Variants in CYP39A1 observed in about 807,000 individuals in gnomAD.
The protein encoded by CYP39A1 is cytochrome P450 family 39 subfamily A member 1, also known as 24-hydroxycholesterol 7-alpha-hydroxylase.
Under a neutral mutation model 58.1 loss-of-function variants are expected in CYP39A1, and 49 were observed. The ratio of observed to expected loss-of-function variants is 0.84; its 90% CI spans 0.67 to 1.07. The LOEUF (loss-of-function observed/expected upper bound fraction) is 1.07. CYP39A1 is among the 50% of genes least tolerant of loss of function. CYP39A1 has a pLI of 0.00. For synonymous variants in CYP39A1, 209 were observed against 187.6 expected, an observed-to-expected ratio of 1.11 and a Z score of -0.93; for missense variants, 531 against 539.4, an observed-to-expected ratio of 0.98 and a Z score of 0.16.
intron 7 of CYP39A1, among the ~76,000 whole-genome samples, chr6:46,613,912 T>C (rs1253821632): frequency 6.9e-6 from 1 of 144,674 alleles, no homozygotes; most frequent in Non-Finnish European, 1.5e-5. Flanking sequence ...TTAGTAGTTA[T>C]TTTGAAAAAA....
At chr6:46,628,705 A>C (rs1775470591) in intron 6 of CYP39A1, among the ~76,000 whole-genome samples, 1 of 152,092 alleles carries the variant, frequency 6.6e-6, no homozygotes, top group Admixed American at 6.5e-5. Flanking sequence ...CCCACCACCT[A>C]CACCTCTGGT....
Position 46,588,073 on chromosome 6 carries a change from T to C in CYP39A1, c.1122A>G (p.Arg374=), listed in dbSNP as rs765721295. Residue 374 remains arginine, a synonymous_variant, in exon 9 of 12, where the codon AGA becomes AGG. Coordinates refer to ENST00000275016, the MANE Select transcript of CYP39A1 (RefSeq NM_016593.5). ...CAGGCTCAGGAAAATACTTTGGATT[T>C]CTATGCAGCCAAAATGGAGACAACA... ...LLMLSPFWLH[R]NPKYFPEPEL... 1.3e-6 allele frequency: 2 copies of C among 1,596,232 alleles called. No individual in the cohort carries two copies. Among genetic ancestry groups the C allele is most frequent in the South Asian group, 1.1e-5 (1 of 87,964 alleles).
At chr6:46,563,203 C>T (rs147379809) in intron 10 of CYP39A1, among the ~76,000 whole-genome samples, 199 of 151,532 alleles carry the variant, frequency 1.3e-3, no homozygotes, top group African/African-American at 4.7e-3. Flanking sequence ...CTGACATATA[C>T]ATACCTAGGA....
chr6:46,624,820 T>C (rs1035404449), intron 7 of CYP39A1, among the ~76,000 whole-genome samples: 15 of 152,180 alleles, frequency 9.9e-5, no homozygotes, highest in African/African-American at 3.6e-4. Context: ...ATTTGCTTTT[T>C]AAAAGAGATG....
chr6:46,640,002 C>G (rs1776233121), intron 2 of CYP39A1, among the ~76,000 whole-genome samples: 1 of 152,098 alleles, frequency 6.6e-6, no homozygotes, highest in Non-Finnish European at 1.5e-5. Context: ...ATCCCAGCTA[C>G]TGGGGAGGCT....
At chr6:46,603,633 A>G (rs944235486) in intron 7 of CYP39A1, among the ~76,000 whole-genome samples, 1 of 152,178 alleles carries the variant, frequency 6.6e-6, no homozygotes, top group African/African-American at 2.4e-5. Context: ...TCCCGGGCAC[A>G]TCCTTAACCT....
intron 8 of CYP39A1, among the ~76,000 whole-genome samples, chr6:46,592,455 G>T (rs1011586627): frequency 5.3e-5 from 8 of 152,056 alleles, no homozygotes; most frequent in African/African-American, 1.9e-4. Context: ...GAACCAAATT[G>T]TATGAATTTA....
intron 1 of CYP39A1, among the ~76,000 whole-genome samples, chr6:46,650,251 A>G (rs1259116187): frequency 6.6e-6 from 1 of 152,066 alleles, no homozygotes; most frequent in East Asian, 1.9e-4. Flanking sequence ...ATGACTTGAG[A>G]AAACAGTGAA....
chr6:46,623,422 C>T (rs1300794172), intron 7 of CYP39A1, among the ~76,000 whole-genome samples: 2 of 152,028 alleles, frequency 1.3e-5, no homozygotes, highest in Non-Finnish European at 2.9e-5. Context: ...TTCAGTTTAA[C>T]CATTATTCTG....
chr6:46,582,479 T>A (rs549145178), intron 10 of CYP39A1, among the ~76,000 whole-genome samples: 3 of 152,280 alleles, frequency 2.0e-5, no homozygotes, highest in Middle Eastern at 6.8e-3. Flanking sequence ...GTATATTATA[T>A]TCCTATAAGC....
chr6:46,621,558 T>C (rs553068975), intron 7 of CYP39A1, among the ~76,000 whole-genome samples: 281 of 152,186 alleles, frequency 1.8e-3, no homozygotes, highest in African/African-American at 6.5e-3. Context: ...ACAAATTAGA[T>C]AATCTAGATG....
chr6:46,641,390 T>C (rs1213790468), intron 2 of CYP39A1, among the ~76,000 whole-genome samples: 5 of 152,050 alleles, frequency 3.3e-5, no homozygotes, highest in Admixed American at 6.6e-5. Flanking sequence ...TGGTAGCTTT[T>C]AAAACAAACT....
chr6:46,598,955 A>T (rs1773331384), intron 7 of CYP39A1, among the ~76,000 whole-genome samples: 2 of 152,194 alleles, frequency 1.3e-5, no homozygotes, highest in South Asian at 4.1e-4. Context: ...GAATTTAATA[A>T]TGACTCTTTA....
chr6:46,582,183 T>C, intron 10 of CYP39A1, among the ~76,000 whole-genome samples: 1 of 152,198 alleles, frequency 6.6e-6, no homozygotes, highest in East Asian at 1.9e-4. Context: ...AGGGGATGCA[T>C]TTGTTTATGG....
chr6:46,608,051 G>A (rs771727499), intron 7 of CYP39A1, among the ~76,000 whole-genome samples: 6 of 152,132 alleles, frequency 3.9e-5, no homozygotes, highest in Non-Finnish European at 8.8e-5. Context: ...CAAACAAACT[G>A]ATTCAATAAC....
At chr6:46,647,988 C>T (rs1383033514) in intron 1 of CYP39A1, among the ~76,000 whole-genome samples, 4 of 152,094 alleles carry the variant, frequency 2.6e-5, no homozygotes, top group South Asian at 2.1e-4. Context: ...GTTAGAATGG[C>T]GATCATTATA....
intron 6 of CYP39A1, among the ~76,000 whole-genome samples, chr6:46,627,459 C>T (rs1394905100): frequency 1.3e-5 from 2 of 151,550 alleles, no homozygotes; most frequent in East Asian, 3.9e-4. Flanking sequence ...CGCTCTGTTG[C>T]CTAGGCTGGA....
chr6:46,622,948 G>A (rs184096284), intron 7 of CYP39A1, among the ~76,000 whole-genome samples: 14 of 152,198 alleles, frequency 9.2e-5, no homozygotes, highest in Non-Finnish European at 1.8e-4. Context: ...CTTTCCTTTC[G>A]CAAGTATTCA....
chr6:46,649,691 T>C (rs1203583038), intron 1 of CYP39A1, among the ~76,000 whole-genome samples: 3 of 152,108 alleles, frequency 2.0e-5, no homozygotes, highest in Non-Finnish European at 4.4e-5. Flanking sequence ...TATGAAACAA[T>C]ATATAAGAAA....
Sources: gnomAD v4.1 joint callset for allele counts (sites outside exome capture counted in the v4.1 genomes callset) on GRCh38, gnomAD v4.1.1 for gene constraint, MANE v1.5 for transcripts, NCBI Gene and HGNC (gene_info 2026-07-23, HGNC 2026-07-21) for gene names.